The following DMXL1 variants were observed in gnomAD, a reference collection of about 807,000 sequenced individuals.
DMXL1 encodes dmX-like protein 1.
In DMXL1, 99 loss-of-function variants were observed where a neutral mutation model predicts 319.2. The observed-to-expected ratio is 0.31, with a 90% CI of 0.26 to 0.37. DMXL1 has a LOEUF of 0.37. DMXL1 is among the 10% of genes least tolerant of loss of function. The pLI is 1.00. For missense variants in DMXL1, 3,745 were observed against 3,595.6 expected, an observed-to-expected ratio of 1.04 and a Z score of -1.06; for synonymous variants, 1,385 against 1,235.2, an observed-to-expected ratio of 1.12 and a Z score of -2.54.
rs539424669 is a variant in DMXL1, at chr5:119,095,383, T to A, written c.88-2596T>A. On this transcript the variant is annotated intron_variant, in intron 1 of 43. Transcript: ENST00000539542. The stretch of plus-strand genomic sequence containing the variant: ...CTAAGTGTTTATTTCTGGGATTACT[T>A]TACATTTCTCAACTCTGCAAGTGTA... 2.0e-5 allele frequency among the ~76,000 whole-genome samples: 3 copies of A among 152,338 alleles called. No homozygotes were observed. In the South Asian group the frequency reaches 6.2e-4, roughly 32 times the overall value.
At chr5:119,175,211 C>A in intron 25 of DMXL1, 50 bp from the exon 26 acceptor site, 1 of 1,415,676 alleles carries the variant, frequency 7.1e-7, no homozygotes, top group Non-Finnish European at 9.7e-7. Context: ...GAAAAAAAAT[C>A]TGCACTTTAA....
At chr5:119,234,522 C>T (rs924037949) in intron 39 of DMXL1, among the ~76,000 whole-genome samples, 2 of 152,116 alleles carry the variant, frequency 1.3e-5, no homozygotes, top group African/African-American at 4.8e-5. Context: ...GCTCTATTTT[C>T]ATTTCACAAA....
chr5:119,208,869 T>C (rs768646978), intron 34 of DMXL1, among the ~76,000 whole-genome samples: 7 of 152,174 alleles, frequency 4.6e-5, no homozygotes. Flanking sequence ...CTCCCACCTG[T>C]GCCCTCTTCC....
At chr5:119,138,066 A>G (rs1395537759) in intron 13 of DMXL1, among the ~76,000 whole-genome samples, 1 of 152,224 alleles carries the variant, frequency 6.6e-6, no homozygotes, top group Non-Finnish European at 1.5e-5. Context: ...TATATAGATT[A>G]GACGTGGGAT....
intron 1 of DMXL1, among the ~76,000 whole-genome samples, chr5:119,082,056 C>CACACAT (rs1554082485): frequency 4.1e-5 from 6 of 145,002 alleles, no homozygotes; most frequent in Admixed American, 7.1e-5. Context: ...CACACACACA[C>CACACAT]ATACACGTAT....
chr5:119,132,965 G>C, intron 10 of DMXL1, 167 bp from the exon 11 acceptor site: 1 of 653,410 alleles, frequency 1.5e-6, no homozygotes, highest in Non-Finnish European at 2.6e-6. Context: ...AAAGAATACG[G>C]ATAAAGAGAT....
chr5:119,102,969 G>A (rs1020779293), intron 3 of DMXL1, among the ~76,000 whole-genome samples: 3 of 151,954 alleles, frequency 2.0e-5, no homozygotes, highest in African/African-American at 7.3e-5. Context: ...GATAACTATT[G>A]GGTACTGGGC....
intron 10 of DMXL1, among the ~76,000 whole-genome samples, chr5:119,130,472 A>T (rs532218276): frequency 8.2e-4 from 125 of 152,140 alleles, no homozygotes; most frequent in African/African-American, 3.0e-3. Flanking sequence ...CCTCCCGAGT[A>T]GCTAGGATTA....
intron 3 of DMXL1, 93 bp from the exon 4 acceptor site, chr5:119,105,087 T>C: frequency 1.3e-6 from 1 of 780,718 alleles, no homozygotes; most frequent in Non-Finnish European, 2.2e-6. Flanking sequence ...ATTGACTGCC[T>C]GTGTTATTGT....
At position 119,071,418 on chromosome 5, in the gene DMXL1, A is replaced by T. The variant is rs1749518991; in HGVS notation, c.-152A>T. 1.3e-6 allele frequency: 1 copy of T among 755,272 alleles called. No individual in the cohort carries two copies. Among genetic ancestry groups the T allele is most frequent in the East Asian group, 2.9e-5 (1 of 34,180 alleles). The allele number at this position is 755,272 out of a possible 1,614,324, so 46.8% of individuals were successfully genotyped here. ...GGGCTCGGGATGAGTCGCGGGCCCC[A>T]GCTGAGCGGCTCCGGCTCCAGGCGC... On this transcript the variant is annotated 5_prime_UTR_variant, in exon 1 of 44. Coordinates refer to ENST00000539542, the MANE Select transcript of DMXL1 (RefSeq NM_001290321.3).
intron 13 of DMXL1, among the ~76,000 whole-genome samples, chr5:119,135,371 G>T (rs964235922): frequency 1.3e-5 from 2 of 152,168 alleles, no homozygotes; most frequent in Non-Finnish European, 2.9e-5. Context: ...CAAGTAAGTT[G>T]CTGGTCAGGG....
At chr5:119,216,769 A>C in intron 34 of DMXL1, 132 bp from the exon 35 acceptor site, 1 of 615,498 alleles carries the variant, frequency 1.6e-6, no homozygotes, top group Non-Finnish European at 2.8e-6. Flanking sequence ...AGCATATACA[A>C]TAATACCTTT....
intron 39 of DMXL1, chr5:119,236,318 G>A (rs898966388): frequency 5.9e-5 from 9 of 152,008 alleles, no homozygotes; most frequent in African/African-American, 1.4e-4. Flanking sequence ...TTAATTTTAA[G>A]TGATGCTCTT....
intron 13 of DMXL1, among the ~76,000 whole-genome samples, chr5:119,142,517 T>TAAAA (rs148846123): frequency 2.9e-4 from 18 of 62,306 alleles, no homozygotes; most frequent in Non-Finnish European, 5.9e-4. Context: ...TATTAAAAAG[T>TAAAA]AAAAAAAAAA....
At chr5:119,173,744 A>ATGTGTGTG (rs1775131517) in intron 25 of DMXL1, among the ~76,000 whole-genome samples, 1 of 119,768 alleles carries the variant, frequency 8.3e-6, no homozygotes, top group Non-Finnish European at 1.7e-5. Context: ...GTGTATATAT[A>ATGTGTGTG]TATGTGTGTG....
intron 38 of DMXL1, among the ~76,000 whole-genome samples, chr5:119,225,104 T>C (rs1785299658): frequency 1.3e-5 from 2 of 152,028 alleles, no homozygotes; most frequent in Admixed American, 1.3e-4. Context: ...TCTTTGATCA[T>C]GCTAAATTAT....
intron 6 of DMXL1, 42 bp from the exon 7 acceptor site, chr5:119,116,116 T>A: frequency 6.5e-7 from 1 of 1,547,020 alleles, no homozygotes; most frequent in Non-Finnish European, 8.7e-7. Context: ...AATCTTTAAT[T>A]CTGATCTCCA....
At position 119,241,925 on chromosome 5, in the gene DMXL1, G is replaced by A. The variant is rs117980747; in HGVS notation, c.8704+1454G>A. Among the ~76,000 whole-genome samples, 8 of 152,260 alleles carry A rather than the reference G, an allele frequency of 5.3e-5. No individual in the cohort carries two copies. In the East Asian group the frequency reaches 1.5e-3, roughly 29 times the overall value. On this transcript the variant is annotated intron_variant, in intron 42 of 43. Transcript: ENST00000539542. ...AGGTGGCTACTAAATTATAACAGTA[G>A]TACAGTATGTACTATAATTAATTTT...
chr5:119,076,411 T>C (rs1331878791), intron 1 of DMXL1, among the ~76,000 whole-genome samples: 2 of 152,100 alleles, frequency 1.3e-5, no homozygotes, highest in Non-Finnish European at 1.5e-5. Context: ...GTTTTTTTTT[T>C]CTGAAAGGGG....
Sources: allele counts gnomAD v4.1 joint callset (sites outside exome capture counted in the v4.1 genomes callset), GRCh38; gene constraint gnomAD v4.1.1; transcripts MANE v1.5; gene names NCBI Gene and HGNC (gene_info 2026-07-23, HGNC 2026-07-21).